Variants in PTPRK observed in about 807,000 individuals in gnomAD.
PTPRK encodes the protein receptor-type tyrosine-protein phosphatase kappa.
A neutral mutation model predicts 178.0 loss-of-function variants in PTPRK; 75 were observed. The ratio of observed to expected loss-of-function variants is 0.42; its 90% confidence interval spans 0.35 to 0.51. The LOEUF is 0.51. Ranked by LOEUF, PTPRK falls within the 20% of genes least tolerant of loss-of-function variation. PTPRK has a pLI of 0.02. For synonymous variants in PTPRK, 637 were observed against 620.6 expected (o/e 1.03, Z -0.39); for missense variants, 1,441 against 1,797.8 (o/e 0.80, Z 3.59).
chr6:128,302,371 G>A (rs1359423973), intron 3 of PTPRK, among the ~76,000 whole-genome samples: 44 of 116,314 alleles, frequency 3.8e-4, no homozygotes, highest in African/African-American at 1.4e-3. Context: ...CAGCCTGGGC[G>A]ACAGAGGAAG....
intron 1 of PTPRK, among the ~76,000 whole-genome samples, chr6:128,403,390 G>A (rs1841268980): frequency 6.6e-6 from 1 of 152,058 alleles, no homozygotes; most frequent in African/African-American, 2.4e-5. Context: ...CATCATCCAC[G>A]CAGGTAATAG....
chr6:128,280,452 T>C (rs1310029669), intron 3 of PTPRK, among the ~76,000 whole-genome samples: 2 of 152,150 alleles, frequency 1.3e-5, no homozygotes, highest in Admixed American at 1.3e-4. Context: ...TCAAAGAAAA[T>C]ACTATTATCT....
intron 3 of PTPRK, among the ~76,000 whole-genome samples, chr6:128,283,650 T>A (rs1423027831): frequency 6.6e-6 from 1 of 152,102 alleles, no homozygotes; most frequent in Non-Finnish European, 1.5e-5. Context: ...ATAATATAAA[T>A]AGAAGCAATG....
At chr6:128,195,015 A>G (rs1447276890) in intron 6 of PTPRK, among the ~76,000 whole-genome samples, 1 of 152,128 alleles carries the variant, frequency 6.6e-6, no homozygotes, top group Non-Finnish European at 1.5e-5. Context: ...GTGTGTGTGT[A>G]ATATACATAT....
chr6:128,146,262 T>C (rs191667920), intron 7 of PTPRK, among the ~76,000 whole-genome samples: 13 of 152,306 alleles, frequency 8.5e-5, no homozygotes, highest in African/African-American at 2.9e-4. Flanking sequence ...TCTGTATTTA[T>C]GAAAACTCAT....
At chr6:128,436,129 G>A (rs1490702519) in intron 1 of PTPRK, among the ~76,000 whole-genome samples, 1 of 151,588 alleles carries the variant, frequency 6.6e-6, no homozygotes, top group African/African-American at 2.4e-5. Flanking sequence ...TTGCTCTTTG[G>A]GTCTCGACCA....
chr6:128,191,693 T>C (rs1803820492), intron 6 of PTPRK, among the ~76,000 whole-genome samples: 1 of 151,842 alleles, frequency 6.6e-6, no homozygotes, highest in South Asian at 2.1e-4. Flanking sequence ...TTCAATTTTA[T>C]TTGTTAATCA....
chr6:128,293,148 T>C (rs2128307795), intron 3 of PTPRK, among the ~76,000 whole-genome samples: 1 of 152,188 alleles, frequency 6.6e-6, no homozygotes, highest in East Asian at 1.9e-4. Context: ...ATAGAATAAG[T>C]GGAGGTAGCC....
At chr6:128,064,655 T>A in intron 13 of PTPRK, 103 bp downstream of exon 13, 9 of 1,441,962 alleles carry the variant, frequency 6.2e-6, no homozygotes, top group Non-Finnish European at 8.3e-6. Context: ...GAACTAACTA[T>A]AACAGAAATG....
intron 5 of PTPRK, among the ~76,000 whole-genome samples, chr6:128,220,242 C>T (rs145800955): frequency 1.5e-4 from 23 of 151,972 alleles, no homozygotes; most frequent in Middle Eastern, 3.4e-3. Context: ...AGCCAGAATA[C>T]GTAAAGATCT....
At chr6:128,050,476 T>C (rs1778817735) in intron 13 of PTPRK, among the ~76,000 whole-genome samples, 9 of 152,250 alleles carry the variant, frequency 5.9e-5, no homozygotes, top group Admixed American at 5.9e-4. Flanking sequence ...TCTTGAAGCA[T>C]ATCTTCTCAG....
At chr6:128,379,090 T>G (rs1304854928) in intron 2 of PTPRK, among the ~76,000 whole-genome samples, 2 of 152,134 alleles carry the variant, frequency 1.3e-5, no homozygotes, top group Non-Finnish European at 2.9e-5. Context: ...GATATCTTTC[T>G]ACTAGTCTGT....
intron 7 of PTPRK, among the ~76,000 whole-genome samples, chr6:128,132,219 G>A (rs974126302): frequency 2.0e-5 from 3 of 152,058 alleles, no homozygotes; most frequent in African/African-American, 7.2e-5. Context: ...CTGTCACCCA[G>A]GCTGGAGTGC....
chr6:128,301,329 C>T (rs1007023131), intron 3 of PTPRK, among the ~76,000 whole-genome samples: 17 of 151,472 alleles, frequency 1.1e-4, no homozygotes, highest in Admixed American at 9.9e-4. Context: ...ATTTTGTTTG[C>T]TCAAATGCTT....
chr6:128,111,376 G>C (rs1470730835), intron 7 of PTPRK, among the ~76,000 whole-genome samples: 1 of 152,084 alleles, frequency 6.6e-6, no homozygotes, highest in Non-Finnish European at 1.5e-5. Context: ...ATCTGCTAGA[G>C]ATCATTCTTG....
intron 6 of PTPRK, among the ~76,000 whole-genome samples, chr6:128,211,955 A>C (rs535642041): frequency 6.6e-6 from 1 of 152,076 alleles, no homozygotes; most frequent in African/African-American, 2.4e-5. Flanking sequence ...CAATTTGTCA[A>C]CTATAGAGCT....
At chr6:128,342,351 T>C (rs1294251899) in intron 2 of PTPRK, among the ~76,000 whole-genome samples, 1 of 152,104 alleles carries the variant, frequency 6.6e-6, no homozygotes, top group Non-Finnish European at 1.5e-5. Flanking sequence ...TAATAATTAG[T>C]AACATGAAGG....
intron 13 of PTPRK, among the ~76,000 whole-genome samples, chr6:128,017,659 C>A (rs1779724972): frequency 6.7e-6 from 1 of 149,936 alleles, no homozygotes; most frequent in African/African-American, 2.4e-5. Flanking sequence ...ACCAACCTCT[C>A]TTTCTGCCTG....
At chr6:128,325,979 C>A (rs1214776916) in intron 2 of PTPRK, among the ~76,000 whole-genome samples, 1 of 152,142 alleles carries the variant, frequency 6.6e-6, no homozygotes, top group Non-Finnish European at 1.5e-5. Context: ...CCATGGAATA[C>A]TGTGCAGCCA....
Sources: allele counts gnomAD v4.1 joint callset (sites outside exome capture counted in the v4.1 genomes callset), GRCh38; gene constraint gnomAD v4.1.1; transcripts MANE v1.5; gene names NCBI Gene and HGNC (gene_info 2026-07-23, HGNC 2026-07-21).